DCAKD: variants seen among roughly 807,000 people sequenced by gnomAD.
DCAKD encodes dephospho-CoA kinase domain containing.
Under a neutral mutation model 18.7 loss-of-function variants are expected in DCAKD, and 15 were observed. The ratio of observed to expected loss-of-function variants is 0.80; its 90% CI spans 0.54 to 1.24. DCAKD has a LOEUF of 1.24. Ranked by LOEUF, DCAKD falls within the 50% of genes most tolerant of loss-of-function variation. The pLI, the probability that DCAKD is intolerant of heterozygous loss-of-function variation, is 0.00. For synonymous variants in DCAKD, 130 were observed against 133.0 expected, an observed-to-expected ratio of 0.98 and a Z score of 0.16; for missense variants, 301 against 322.0, an observed-to-expected ratio of 0.93 and a Z score of 0.50.
chr17:45,025,926 A>ATT (rs566878595), intron 4 of DCAKD, among the ~76,000 whole-genome samples: 31 of 126,288 alleles, frequency 2.5e-4, no homozygotes, highest in East Asian at 1.2e-3. Flanking sequence ...TAATTTTTGT[A>ATT]TTTTTTTTTT....
chr17:45,039,111 G>C (rs1356801383), intron 1 of DCAKD, among the ~76,000 whole-genome samples: 4 of 152,162 alleles, frequency 2.6e-5, no homozygotes, highest in Non-Finnish European at 5.9e-5. Flanking sequence ...CACTCACTTG[G>C]CTGCGCACAG....
At chr17:45,056,748 T>C (rs1446715102) in intron 1 of DCAKD, among the ~76,000 whole-genome samples, 2 of 151,968 alleles carry the variant, frequency 1.3e-5, no homozygotes, top group Non-Finnish European at 2.9e-5. Context: ...GTGCTGGGAT[T>C]ATAGGCATGA....
intron 1 of DCAKD, among the ~76,000 whole-genome samples, chr17:45,058,002 C>T (rs2053803893): frequency 7.8e-6 from 1 of 128,822 alleles, no homozygotes; most frequent in Non-Finnish European, 1.6e-5. Flanking sequence ...CAGTGAGATT[C>T]CGTCTCAAAA....
At chr17:45,054,096 G>GC, upstream of DCAKD, 1 of 518,992 alleles carries the variant, frequency 1.9e-6, no homozygotes, top group South Asian at 1.4e-5. Flanking sequence ...GAGACCTACT[G>GC]CCATCACCCA....
chr17:45,050,861 C>G (rs2053678669), intron 1 of DCAKD, among the ~76,000 whole-genome samples: 1 of 152,246 alleles, frequency 6.6e-6, no homozygotes, highest in Non-Finnish European at 1.5e-5. Flanking sequence ...ATGCCAACGC[C>G]TCCTTTGCGG....
intron 3 of DCAKD, among the ~76,000 whole-genome samples, chr17:45,033,083 T>C (rs901271371): frequency 3.3e-5 from 5 of 152,176 alleles, no homozygotes; most frequent in Non-Finnish European, 5.9e-5. Flanking sequence ...TGGTGGCTCA[T>C]GCCTGTAATC....
chr17:45,033,336 C>T (rs979467945), intron 3 of DCAKD, among the ~76,000 whole-genome samples: 3 of 152,254 alleles, frequency 2.0e-5, no homozygotes, highest in Non-Finnish European at 2.9e-5. Context: ...TTCCCAATTT[C>T]CAGTCTACAA....
rs2052990267 is a variant in DCAKD at position 45,023,776 on chromosome 17, G to A, written c.*657C>T. The A allele has an allele frequency of 6.6e-6, 1 of 152,436 alleles. No individual in the cohort carries two copies. The highest frequency in any genetic ancestry group is 2.4e-5 in the African/African-American group (1 of 41,422). 9.4% of individuals were successfully genotyped at this position (152,436 alleles called of 1,614,324 possible). A position where few individuals can be genotyped will look rare whatever the true frequency, so the allele number is the denominator to read the frequency against. ...GTGGCAGGCAATAAGCAGGATGTGG[G>A]AGCACTACACAAACCCTACGTGGGG... On this transcript the variant is annotated 3_prime_UTR_variant, in exon 5 of 5. Coordinates refer to ENST00000651974, the MANE Select transcript of DCAKD (RefSeq NM_001288655.2).
Position 45,034,931 on chromosome 17 carries a change from AC to A in DCAKD, c.-47del, listed in dbSNP as rs762151240. Reference sequence around the variant, plus strand: ...CCGCGAGACTACGGAGCCAGGAGCTACAGAATCACTGGAGAGCAGGGCAAGT... The same window carrying A: ...CCGCGAGACTACGGAGCCAGGAGCTAAGAATCACTGGAGAGCAGGGCAAGT... On this transcript the variant is annotated 5_prime_UTR_variant, in exon 2 of 5. It introduces an in-frame stop codon into an upstream open reading frame of the 5' UTR. Coordinates refer to ENST00000651974, the MANE Select transcript of DCAKD (RefSeq NM_001288655.2). 6.2e-7 allele frequency: 1 copy of A among 1,600,446 alleles called. No homozygotes were observed. Among genetic ancestry groups the A allele is most frequent in the South Asian group, 1.1e-5 (1 of 89,946 alleles).
At chr17:45,043,604 T>C (rs2053490473) in intron 1 of DCAKD, among the ~76,000 whole-genome samples, 1 of 152,158 alleles carries the variant, frequency 6.6e-6, no homozygotes, top group South Asian at 2.1e-4. Context: ...AAAGGCAGCC[T>C]GGAGACGGGA....
rs1450309688 is a variant in DCAKD, at chr17:45,034,403, G to A, written c.113-13C>T. On this transcript the variant is annotated splice_polypyrimidine_tract_variant and intron_variant, in intron 2 of 4. Coordinates refer to ENST00000651974, the MANE Select transcript of DCAKD (RefSeq NM_001288655.2). ...CCTGGCTGCACGACTGTGGCAGGAGGAAGAAGCTGGGTCACTCCCTGAAGC... is the reference window on the plus strand; with the variant it reads ...CCTGGCTGCACGACTGTGGCAGGAGAAAGAAGCTGGGTCACTCCCTGAAGC... The A allele has an allele frequency of 6.2e-7, 1 of 1,613,102 alleles. No individual in the cohort carries two copies. The highest frequency in any genetic ancestry group is 8.5e-7 in the Non-Finnish European group (1 of 1,179,822).
At position 45,024,389 on chromosome 17, in the gene DCAKD, A is replaced by G. The variant is rs774016411; in HGVS notation, c.*44T>C. On this transcript the variant is annotated 3_prime_UTR_variant, in exon 5 of 5. Transcript: ENST00000651974. ...ATGTGTTACCTGGCTTCAGCCTCCA[A>G]GGAGATAGATGGAGGCCTGGGGCTC... 1.3e-6 allele frequency: 2 copies of G among 1,556,376 alleles called. No homozygotes were observed. Among genetic ancestry groups the G allele is most frequent in the Non-Finnish European group, 8.7e-7 (1 of 1,146,080 alleles).
chr17:45,039,112 C>T (rs1288818550), intron 1 of DCAKD, among the ~76,000 whole-genome samples: 1 of 152,208 alleles, frequency 6.6e-6, no homozygotes, highest in African/African-American at 2.4e-5. Context: ...ACTCACTTGG[C>T]TGCGCACAGA....
chr17:45,024,723 C>G lies in DCAKD; in HGVS notation c.406G>C (p.Asp136His). Reference sequence around the variant, plus strand: ...AGCCGTGCCAGCTGTGTGTCCCGGTCGCTAAGGATAGGGCAAAAGGGCACT... The same window carrying G: ...AGCCGTGCCAGCTGTGTGTCCCGGTGGCTAAGGATAGGGCAAAAGGGCACT... ...YMKHTVVVYC[D>H]RDTQLARLMR... Residue 136 changes from aspartate to histidine, a missense_variant and splice_region_variant, in exon 5 of 5, where the codon GAC (aspartate) becomes CAC (histidine). By Grantham distance (81) the Asp-to-His change is moderately conservative (BLOSUM62 -1). Transcript: ENST00000651974. 1 of 1,569,268 alleles carries G rather than the reference C, an allele frequency of 6.4e-7. No homozygotes were observed. Among genetic ancestry groups the G allele is most frequent in the Non-Finnish European group, 8.7e-7 (1 of 1,153,376 alleles).
chr17:45,053,981 G>T (rs2053754039), upstream of DCAKD: 1 of 483,668 alleles, frequency 2.1e-6, no homozygotes, highest in African/African-American at 2.0e-5. Flanking sequence ...AATACCCAGT[G>T]CCCTGCACAG....
chr17:45,033,500 T>C (rs934099978), intron 3 of DCAKD, among the ~76,000 whole-genome samples: 44 of 152,222 alleles, frequency 2.9e-4, no homozygotes, highest in African/African-American at 1.0e-3. Context: ...TCTTGCTCTG[T>C]TGCCCAGACA....
chr17:45,054,078 C>T (rs2053754785), upstream of DCAKD: 2 of 518,758 alleles, frequency 3.9e-6, no homozygotes, highest in Admixed American at 3.9e-5. Context: ...CTGACTTCAA[C>T]AGTCAAGGAG....
chr17:45,058,906 T>C (rs2053817612), intron 1 of DCAKD, among the ~76,000 whole-genome samples: 2 of 152,156 alleles, frequency 1.3e-5, no homozygotes, highest in African/African-American at 4.8e-5. Context: ...ATCTGCTGCT[T>C]TGGATCATAA....
intron 4 of DCAKD, among the ~76,000 whole-genome samples, chr17:45,029,458 C>G (rs1279014973): frequency 6.6e-6 from 1 of 152,138 alleles, no homozygotes; most frequent in Non-Finnish European, 1.5e-5. Flanking sequence ...GCAGAGATAC[C>G]CTGCGGACTC....
Sources: allele counts gnomAD v4.1 joint callset (sites outside exome capture counted in the v4.1 genomes callset), GRCh38; gene constraint gnomAD v4.1.1; transcripts MANE v1.5; gene names NCBI Gene and HGNC (gene_info 2026-07-23, HGNC 2026-07-21).